The following HABP4 variants were observed in gnomAD, a reference collection of about 807,000 sequenced individuals.
HABP4 encodes hyaluronan binding protein 4.
A neutral mutation model predicts 44.1 loss-of-function variants in HABP4; 32 were observed. The observed-to-expected ratio is 0.73, with a 90% CI of 0.55 to 0.97. The LOEUF (loss-of-function observed/expected upper bound fraction) is 0.97. HABP4 is among the 50% of genes least tolerant of loss of function. The pLI is 0.00. For synonymous variants in HABP4, 216 were observed against 218.0 expected (o/e 0.99, Z 0.08); for missense variants, 503 against 561.9 (o/e 0.90, Z 1.06).
rs1832262277 is a variant in HABP4, at chr9:96,450,824, G to T, written c.349+196G>T. On this transcript the variant is annotated intron_variant, in intron 1 of 7. Coordinates refer to ENST00000375249, the MANE Select transcript of HABP4 (RefSeq NM_014282.4). This position sits in a 1 kb window ranked among gnomAD's most constrained non-coding sequence, Gnocchi z 4.8. ...GCCAGCCTCGTGCGGGGCTCCGGGG[G>T]AAACGCTGGCTTGGGGTGGGATAGG... 6.6e-6 allele frequency among the ~76,000 whole-genome samples: 1 copy of T among 152,218 alleles called. No individual in the cohort carries two copies. Among genetic ancestry groups the T allele is most frequent in the Admixed American group, 6.5e-5 (1 of 15,290 alleles).
chr9:96,474,249 C>T (rs1832744312), intron 5 of HABP4, among the ~76,000 whole-genome samples: 1 of 152,152 alleles, frequency 6.6e-6, no homozygotes, highest in Non-Finnish European at 1.5e-5. Flanking sequence ...AATATTTAGA[C>T]AGTGAGCTAA....
chr9:96,484,430 A>C (rs1220992144), intron 5 of HABP4, 32 bp from the exon 6 acceptor site: 1 of 1,006,502 alleles, frequency 9.9e-7, no homozygotes, highest in Non-Finnish European at 1.5e-6. Flanking sequence ...ACCATCAAAA[A>C]GTATTCTTTA....
chr9:96,481,751 A>T (rs1832883473), intron 5 of HABP4, among the ~76,000 whole-genome samples: 1 of 152,158 alleles, frequency 6.6e-6, no homozygotes, highest in Admixed American at 6.5e-5. Flanking sequence ...GCCTGTATCA[A>T]ACAAATAAAT....
rs771722632 is a variant in HABP4, at chr9:96,465,412, C to T, written c.588C>T (p.Gly196=). 6.2e-7 allele frequency: 1 copy of T among 1,609,410 alleles called. No homozygotes were observed. The highest frequency in any genetic ancestry group is 8.5e-7 in the Non-Finnish European group (1 of 1,175,690). Residue 196 remains glycine, a synonymous_variant, in exon 3 of 8, where the codon GGC becomes GGT. Transcript: ENST00000375249. ...GGPRGGMRGR[G]RGGPGNRVFD... is the part of the protein sequence containing the mutation. ...CGAGAGGGGGTATGCGCGGCAGAGG[C>T]AGAGGTGGCCCTGGGAACAGAGTTT...
intron 5 of HABP4, among the ~76,000 whole-genome samples, chr9:96,475,962 C>A (rs1018628210): frequency 1.3e-5 from 2 of 151,924 alleles, no homozygotes; most frequent in Admixed American, 1.3e-4. Context: ...TTTCTGGAAC[C>A]TACTTTCTTT....
At chr9:96,484,890 A>AC (rs1396516161) in intron 6 of HABP4, among the ~76,000 whole-genome samples, 1 of 152,210 alleles carries the variant, frequency 6.6e-6, no homozygotes, top group African/African-American at 2.4e-5. Flanking sequence ...CGGGTACTGT[A>AC]CACATACTGT....
At chr9:96,451,143 C>G (rs1048607051) in intron 1 of HABP4, among the ~76,000 whole-genome samples, 1 of 152,200 alleles carries the variant, frequency 6.6e-6, no homozygotes, top group Non-Finnish European at 1.5e-5. Flanking sequence ...CGGGGGTCCC[C>G]GGCGCGGTCC....
At chr9:96,459,412 C>T (rs1370657614) in intron 2 of HABP4, among the ~76,000 whole-genome samples, 2 of 152,096 alleles carry the variant, frequency 1.3e-5, no homozygotes, top group Admixed American at 6.6e-5. Context: ...AGTGTTGCGT[C>T]GCTGCTTAGT....
chr9:96,470,540 T>C (rs1394167192), intron 4 of HABP4, among the ~76,000 whole-genome samples: 2 of 152,196 alleles, frequency 1.3e-5, no homozygotes, highest in Non-Finnish European at 2.9e-5. Flanking sequence ...TTAATACTTA[T>C]TTAAATTGAA....
In HABP4 at chr9:96,450,250, C is replaced by A; in HGVS notation, c.-30C>A. 1 of 1,381,778 alleles carries A rather than the reference C, an allele frequency of 7.2e-7. No homozygotes were observed. Among genetic ancestry groups the A allele is most frequent in the South Asian group, 1.5e-5 (1 of 66,308 alleles). 85.6% of individuals were successfully genotyped at this position (1,381,778 alleles called of 1,614,324 possible). ...CGCTGAGACGCGCTCGCGTGGGCTG[C>A]CCTCCCGGGCCCGCAGTGGTCGCGG... On this transcript the variant is annotated 5_prime_UTR_variant, in exon 1 of 8. Coordinates refer to ENST00000375249, the MANE Select transcript of HABP4 (RefSeq NM_014282.4). The surrounding 1 kb of genome is among the most constrained non-coding windows in gnomAD (Gnocchi z 4.8).
intron 6 of HABP4, among the ~76,000 whole-genome samples, chr9:96,485,643 G>A (rs1832962875): frequency 6.6e-6 from 1 of 152,190 alleles, no homozygotes; most frequent in Non-Finnish European, 1.5e-5. Context: ...AGCAGCATAT[G>A]TTGATAGGGA....
Position 96,490,197 on chromosome 9 carries a change from T to G in HABP4, c.*159T>G. ...TTTTGGGCTGAGCTGTTAGAGGGGCTTCTCCAGAGGCTCGAGAGCAGGCCA... is the reference window on the plus strand; with the variant it reads ...TTTTGGGCTGAGCTGTTAGAGGGGCGTCTCCAGAGGCTCGAGAGCAGGCCA... On this transcript the variant is annotated 3_prime_UTR_variant, in exon 8 of 8. Coordinates refer to ENST00000375249, the MANE Select transcript of HABP4 (RefSeq NM_014282.4). 1.6e-6 allele frequency: 1 copy of G among 620,708 alleles called. No homozygotes were observed. The highest frequency in any genetic ancestry group is 2.9e-6 in the Non-Finnish European group (1 of 343,938). 38.5% of individuals were successfully genotyped at this position (620,708 alleles called of 1,614,324 possible).
At chr9:96,450,126 G>A (rs936442856), upstream of HABP4, 3 of 743,828 alleles carry the variant, frequency 4.0e-6, no homozygotes, top group African/African-American at 5.6e-5. The surrounding 1 kb of genome is among the most constrained non-coding windows in gnomAD (Gnocchi z 4.8). Context: ...GGCGGACGGC[G>A]GCGGCGCCGC....
intron 1 of HABP4, among the ~76,000 whole-genome samples, chr9:96,456,577 G>A (rs1832379466): frequency 6.6e-6 from 1 of 151,080 alleles, no homozygotes; most frequent in Middle Eastern, 3.4e-3. Context: ...TGGGTAACAC[G>A]GTGAAACCCC....
intron 4 of HABP4, among the ~76,000 whole-genome samples, chr9:96,469,278 A>G (rs946304903): frequency 6.6e-6 from 1 of 152,212 alleles, no homozygotes; most frequent in Non-Finnish European, 1.5e-5. Context: ...TTCAACTTTT[A>G]TTGTGAAGAG....
intron 5 of HABP4, among the ~76,000 whole-genome samples, chr9:96,475,404 AAAAG>A (rs906955705): frequency 1.3e-5 from 2 of 152,126 alleles, no homozygotes; most frequent in South Asian, 2.1e-4. Flanking sequence ...AAAAAAAAAA[AAAAG>A]AAGAAAAAGA....
At chr9:96,471,799 G>T (rs577069957) in intron 5 of HABP4, among the ~76,000 whole-genome samples, 6 of 151,464 alleles carry the variant, frequency 4.0e-5, no homozygotes, top group African/African-American at 1.5e-4. Context: ...TTTTTCTGGG[G>T]TTTTTTTTGA....
At chr9:96,470,928 A>G in intron 4 of HABP4, 83 bp from the exon 5 acceptor site, 2 of 882,480 alleles carry the variant, frequency 2.3e-6, no homozygotes, top group East Asian at 2.4e-5. Context: ...AACCAAAAAA[A>G]CAATGTTTTC....
chr9:96,474,352 T>A (rs1832745739), intron 5 of HABP4, among the ~76,000 whole-genome samples: 1 of 152,208 alleles, frequency 6.6e-6, no homozygotes, highest in Admixed American at 6.5e-5. Context: ...CCAATAAACA[T>A]TTATACAAAT....
Sources: allele counts gnomAD v4.1 joint callset (sites outside exome capture counted in the v4.1 genomes callset), GRCh38; gene constraint gnomAD v4.1.1; non-coding constraint Gnocchi (gnomAD v3.1); transcripts MANE v1.5; gene names NCBI Gene and HGNC (gene_info 2026-07-23, HGNC 2026-07-21).